RYR2: variants seen among roughly 807,000 people sequenced by gnomAD.
RYR2 encodes ryanodine receptor 2, also known as cardiac muscle ryanodine receptor-calcium release channel.
In RYR2, 227 loss-of-function variants were observed where a neutral mutation model predicts 601.1. That is an observed-to-expected ratio of 0.38 (90% CI 0.34 to 0.42). RYR2 has a LOEUF of 0.42. Ranked by LOEUF, RYR2 falls within the 10% of genes least tolerant of loss-of-function variation. RYR2 has a pLI of 1.00. For synonymous variants in RYR2, 2,223 were observed against 2,175.1 expected (o/e 1.02, Z -0.61); for missense variants, 4,646 against 6,156.5 (o/e 0.75, Z 8.21).
intron 1 of RYR2, among the ~76,000 whole-genome samples, chr1:237,112,571 C>CAAAA (rs11419585): frequency 2.7e-4 from 37 of 137,202 alleles, no homozygotes; most frequent in South Asian, 9.4e-4. Context: ...GCTACAACAT[C>CAAAA]AAAAAAAAAA....
intron 29 of RYR2, among the ~76,000 whole-genome samples, chr1:237,588,394 T>C (rs1462467379): frequency 6.6e-6 from 1 of 152,250 alleles, no homozygotes; most frequent in Non-Finnish European, 1.5e-5. Context: ...CAGAGCTAAC[T>C]ACAATTCTTG....
chr1:237,118,338 T>C (rs1670368173), intron 1 of RYR2, among the ~76,000 whole-genome samples: 1 of 151,794 alleles, frequency 6.6e-6, no homozygotes, highest in Non-Finnish European at 1.5e-5. Flanking sequence ...ACTGTAGTCA[T>C]TATGGCAGCC....
At chr1:237,790,613 A>G (rs1480415532) in intron 92 of RYR2, among the ~76,000 whole-genome samples, 1 of 152,120 alleles carries the variant, frequency 6.6e-6, no homozygotes, top group Non-Finnish European at 1.5e-5. Context: ...CAACATAATA[A>G]TTATATTAAT....
intron 2 of RYR2, among the ~76,000 whole-genome samples, chr1:237,308,356 C>T (rs1361687931): frequency 6.6e-6 from 1 of 152,172 alleles, no homozygotes; most frequent in Admixed American, 6.5e-5. Context: ...ACGTCCTACT[C>T]TGTCTATGAA....
At chr1:237,049,810 GT>G (rs1401001072) in intron 1 of RYR2, among the ~76,000 whole-genome samples, 1 of 152,138 alleles carries the variant, frequency 6.6e-6, no homozygotes, top group Non-Finnish European at 1.5e-5. Context: ...GACTACTTAG[GT>G]TCGGATCCAT....
At chr1:237,529,950 C>T (rs12145623) in intron 24 of RYR2, among the ~76,000 whole-genome samples, 9,944 of 152,068 alleles carry the variant, frequency 0.065, 389 homozygotes, top group Middle Eastern at 0.18. Flanking sequence ...CATTTCAGTT[C>T]GCAGTGTCTT....
intron 56 of RYR2, among the ~76,000 whole-genome samples, chr1:237,665,718 ATTAG>A (rs1684267255): frequency 6.6e-6 from 1 of 152,212 alleles, no homozygotes; most frequent in Non-Finnish European, 1.5e-5. Context: ...TGAGCCTGTT[ATTAG>A]TTATAGCATA....
chr1:237,042,985 G>T (rs1050847299), intron 1 of RYR2, among the ~76,000 whole-genome samples: 2 of 152,082 alleles, frequency 1.3e-5, no homozygotes, highest in African/African-American at 4.8e-5. Context: ...CGCGGGGAGC[G>T]GCGGGAACTC....
At chr1:237,227,615 T>A (rs1469450434) in intron 1 of RYR2, among the ~76,000 whole-genome samples, 1 of 152,230 alleles carries the variant, frequency 6.6e-6, no homozygotes. Context: ...CTCTGGGTAC[T>A]CCAGTTTCCT....
chr1:237,696,384 C>T (rs577150118), intron 63 of RYR2, among the ~76,000 whole-genome samples: 8 of 152,234 alleles, frequency 5.3e-5, no homozygotes, highest in Non-Finnish European at 1.0e-4. Flanking sequence ...TTCTTATCTT[C>T]TCTGCCTCCA....
At chr1:237,359,034 G>A (rs145310837) in intron 4 of RYR2, among the ~76,000 whole-genome samples, 6 of 152,132 alleles carry the variant, frequency 3.9e-5, no homozygotes, top group Non-Finnish European at 8.8e-5. Flanking sequence ...GGACGTGATA[G>A]TACAGGTGCT....
Position 237,500,917 on chromosome 1 carries a change from T to C in RYR2, c.2396+14T>C. ...TGCAGGAATAAAGTTAGTATGTCTA[T>C]GTTTTTTGGTCTCTTTCCTTTCTCA... On this transcript the variant is annotated intron_variant, in intron 21 of 104. Coordinates refer to ENST00000366574, the MANE Select transcript of RYR2 (RefSeq NM_001035.3). The C allele has an allele frequency of 6.2e-7, 1 of 1,612,400 alleles. No individual in the cohort carries two copies. Among genetic ancestry groups the C allele is most frequent in the East Asian group, 2.2e-5 (1 of 44,876 alleles).
intron 22 of RYR2, among the ~76,000 whole-genome samples, chr1:237,503,834 A>G (rs1198993035): frequency 6.6e-6 from 1 of 151,816 alleles, no homozygotes; most frequent in African/African-American, 2.4e-5. Flanking sequence ...CAGCCTCCCA[A>G]GTAGCTGGGA....
Position 237,334,686 on chromosome 1 carries a change from C to T in RYR2, c.273+3704C>T, listed in dbSNP as rs974024459. Among the ~76,000 whole-genome samples the T allele has an allele frequency of 3.9e-5, 6 of 152,148 alleles. No homozygotes were observed. The East Asian group carries it at 7.7e-4, about 20-fold the overall frequency. On this transcript the variant is annotated intron_variant, in intron 3 of 104. Transcript: ENST00000366574. Reference sequence around the variant, plus strand: ...TCTCTTTGGCCCCGTTTTCTCTGGGCGTCTGCCTATGCACATTCTGGCTTC... The same window carrying T: ...TCTCTTTGGCCCCGTTTTCTCTGGGTGTCTGCCTATGCACATTCTGGCTTC...
At chr1:237,507,457 T>C (rs1665386475) in intron 23 of RYR2, among the ~76,000 whole-genome samples, 1 of 152,248 alleles carries the variant, frequency 6.6e-6, no homozygotes. Flanking sequence ...TTGTATGATA[T>C]ATTCTAAGTG....
chr1:237,374,811 T>G lies in RYR2; in HGVS notation c.463+16T>G. 2 of 1,604,932 alleles carry G rather than the reference T, an allele frequency of 1.2e-6. No homozygotes were observed. Among genetic ancestry groups the G allele is most frequent in the Non-Finnish European group, 1.7e-6 (2 of 1,174,510 alleles). ...GACACCACAGGTAAGCATCTTGTGC[T>G]GCGGGAAGCCAGGTTCAGAGAGAAC... On this transcript the variant is annotated intron_variant, in intron 7 of 104. Transcript: ENST00000366574.
chr1:237,632,027 G>A (rs1680383363), intron 42 of RYR2, among the ~76,000 whole-genome samples: 1 of 151,958 alleles, frequency 6.6e-6, no homozygotes, highest in Admixed American at 6.6e-5. Context: ...ACCTTAGGGA[G>A]TTGAACGTAC....
At chr1:237,730,036 A>G (rs973017718) in intron 76 of RYR2, among the ~76,000 whole-genome samples, 1 of 152,168 alleles carries the variant, frequency 6.6e-6, no homozygotes, top group East Asian at 1.9e-4. Flanking sequence ...CACTTGACCA[A>G]TGTTACAAAG....
chr1:237,589,774 A>AT lies in RYR2; in HGVS notation c.3599-9dup, dbSNP rs11331089. On this transcript the variant is annotated intron_variant, in intron 29 of 104. Coordinates refer to ENST00000366574, the MANE Select transcript of RYR2 (RefSeq NM_001035.3). Reference sequence around the variant, plus strand: ...CATATACTAATGGTACTAAAACTTGATTTTTTTTTTCTTCCCAGGATTCAT... The same window carrying AT: ...CATATACTAATGGTACTAAAACTTGATTTTTTTTTTTCTTCCCAGGATTCAT... The AT allele has an allele frequency of 3.2e-4, 499 of 1,573,430 alleles. No individual in the cohort carries two copies. The highest frequency in any genetic ancestry group is 1.1e-3 in the African/African-American group (79 of 73,036).
Sources: allele counts gnomAD v4.1 joint callset (sites outside exome capture counted in the v4.1 genomes callset), GRCh38; gene constraint gnomAD v4.1.1; transcripts MANE v1.5; gene names NCBI Gene and HGNC (gene_info 2026-07-23, HGNC 2026-07-21).